The following ZNF679 variants were observed in gnomAD, a reference collection of about 807,000 sequenced individuals.
ZNF679 encodes hypothetical protein MGC42415.
Under a neutral mutation model 13.4 loss-of-function variants are expected in ZNF679, and 10 were observed. The ratio of observed to expected loss-of-function variants is 0.75; its 90% CI spans 0.46 to 1.27. The LOEUF (loss-of-function observed/expected upper bound fraction) is 1.27, where lower values mean the gene tolerates loss of function less well. ZNF679 is among the 50% of genes most tolerant of loss of function. The probability of loss-of-function intolerance (pLI) is 0.00; values close to 1 mark genes in which losing one functional copy is unlikely to be tolerated. For synonymous variants in ZNF679, 179 were observed against 162.5 expected, an observed-to-expected ratio of 1.10 and a Z score of -0.77; for missense variants, 525 against 477.8, an observed-to-expected ratio of 1.10 and a Z score of -0.92.
At chr7:64,230,400 G>T (rs948729804) in intron 1 of ZNF679, among the ~76,000 whole-genome samples, 1 of 151,934 alleles carries the variant, frequency 6.6e-6, no homozygotes, top group African/African-American at 2.4e-5. Context: ...GGGCGCGGTG[G>T]CGGGCGCCTG....
intron 2 of ZNF679, among the ~76,000 whole-genome samples, chr7:64,259,934 G>GAA (rs1238773997): frequency 7.3e-6 from 1 of 137,688 alleles, no homozygotes; most frequent in Non-Finnish European, 1.6e-5. Flanking sequence ...TCTCCAAAAG[G>GAA]AAAAAAAAAA....
chr7:64,229,397 T>G (rs1389529969), intron 1 of ZNF679, among the ~76,000 whole-genome samples: 2 of 152,288 alleles, frequency 1.3e-5, no homozygotes, highest in South Asian at 2.1e-4. Flanking sequence ...GAGACAACAC[T>G]GTGCCTGTGA....
chr7:64,259,798 C>T (rs1398597359), intron 2 of ZNF679, among the ~76,000 whole-genome samples: 2 of 151,966 alleles, frequency 1.3e-5, no homozygotes, highest in African/African-American at 4.8e-5. Context: ...CATGGTGGCT[C>T]ACGCCTGTAG....
chr7:64,251,200 T>G (rs1380988105), intron 2 of ZNF679, among the ~76,000 whole-genome samples: 1 of 152,104 alleles, frequency 6.6e-6, no homozygotes, highest in Non-Finnish European at 1.5e-5. Flanking sequence ...ACAACTATAA[T>G]CCTAACACTT....
chr7:64,257,491 CA>C (rs149554793), intron 2 of ZNF679, among the ~76,000 whole-genome samples: 3,487 of 152,080 alleles, frequency 0.023, 131 homozygotes, highest in African/African-American at 0.079. Flanking sequence ...GCTCTTAATC[CA>C]AATGCTAAAA....
intron 2 of ZNF679, among the ~76,000 whole-genome samples, chr7:64,253,815 A>T (rs1441545176): frequency 6.6e-6 from 1 of 152,214 alleles, no homozygotes; most frequent in East Asian, 1.9e-4. Flanking sequence ...GCATGTTTTT[A>T]AGGAAAGACA....
intron 2 of ZNF679, among the ~76,000 whole-genome samples, chr7:64,256,801 A>G (rs145675904): frequency 0.01 from 1,581 of 151,308 alleles, 22 homozygotes; most frequent in African/African-American, 0.034. Flanking sequence ...GGTTTCAAGC[A>G]ATTCTCCTGT....
chr7:64,263,516 T>C (rs1471970704), intron 4 of ZNF679, among the ~76,000 whole-genome samples: 3 of 152,222 alleles, frequency 2.0e-5, no homozygotes, highest in Admixed American at 1.3e-4. Flanking sequence ...TGTTGAAATG[T>C]AATCTCCAGT....
At chr7:64,236,509 C>T (rs1787714509) in intron 1 of ZNF679, among the ~76,000 whole-genome samples, 1 of 151,418 alleles carries the variant, frequency 6.6e-6, no homozygotes, top group African/African-American at 2.4e-5. Flanking sequence ...GGGGGCAGGG[C>T]TCAGTGCCTC....
chr7:64,256,207 A>T (rs2115582869), intron 2 of ZNF679, among the ~76,000 whole-genome samples: 1 of 152,314 alleles, frequency 6.6e-6, no homozygotes, highest in Admixed American at 6.5e-5. Context: ...TCTAAAAATG[A>T]CGGTCTCCTG....
intron 1 of ZNF679, among the ~76,000 whole-genome samples, chr7:64,247,858 GT>G (rs75515984): frequency 2.6e-4 from 39 of 147,944 alleles, no homozygotes; most frequent in African/African-American, 7.5e-4. Context: ...GCCCTACCAT[GT>G]TTTTTTTTTT....
chr7:64,257,070 T>C (rs1788014126), intron 2 of ZNF679, among the ~76,000 whole-genome samples: 1 of 150,652 alleles, frequency 6.6e-6, no homozygotes, highest in Non-Finnish European at 1.5e-5. Context: ...GAAGTTAGTT[T>C]GAAGTTATTT....
chr7:64,257,240 T>G (rs1788016035), intron 2 of ZNF679, among the ~76,000 whole-genome samples: 1 of 152,216 alleles, frequency 6.6e-6, no homozygotes, highest in South Asian at 2.1e-4. Context: ...ACTTTGTTCT[T>G]ATCACTCCCT....
At chr7:64,245,001 G>A (rs1787847669) in intron 1 of ZNF679, among the ~76,000 whole-genome samples, 1 of 152,108 alleles carries the variant, frequency 6.6e-6, no homozygotes, top group Non-Finnish European at 1.5e-5. Context: ...TTTTGTTGTT[G>A]TTTGTTTCAG....
At chr7:64,233,540 C>G (rs1787669459) in intron 1 of ZNF679, among the ~76,000 whole-genome samples, 1 of 152,062 alleles carries the variant, frequency 6.6e-6, no homozygotes, top group Admixed American at 6.6e-5. Flanking sequence ...CAGTTAGGAT[C>G]TGGTTTCCAT....
intron 4 of ZNF679, among the ~76,000 whole-genome samples, chr7:64,265,457 A>G (rs1788131646): frequency 6.6e-6 from 1 of 152,182 alleles, no homozygotes; most frequent in Non-Finnish European, 1.5e-5. Flanking sequence ...TGTCATTTCA[A>G]AGCATACTAC....
intron 1 of ZNF679, among the ~76,000 whole-genome samples, chr7:64,232,972 G>T (rs185894563): frequency 6.6e-6 from 1 of 152,212 alleles, no homozygotes; most frequent in Non-Finnish European, 1.5e-5. Context: ...TGGGTGTGCT[G>T]GTTCACCCCT....
chr7:64,257,889 C>T (rs1788024055), intron 2 of ZNF679, among the ~76,000 whole-genome samples: 1 of 152,118 alleles, frequency 6.6e-6, no homozygotes, highest in African/African-American at 2.4e-5. Context: ...TTGAAAAAGC[C>T]CATTCCTGGA....
At chr7:64,262,407 A>G (rs961662213) in intron 4 of ZNF679, among the ~76,000 whole-genome samples, 2 of 152,230 alleles carry the variant, frequency 1.3e-5, no homozygotes, top group African/African-American at 4.8e-5. Context: ...TGGTGCCAAG[A>G]CCAATGTCAT....
Sources: gnomAD v4.1 joint callset for allele counts (sites outside exome capture counted in the v4.1 genomes callset) on GRCh38, gnomAD v4.1.1 for gene constraint, MANE v1.5 for transcripts, NCBI Gene and HGNC (gene_info 2026-07-23, HGNC 2026-07-21) for gene names.